OSBPL1A: variants seen among roughly 807,000 people sequenced by gnomAD.
OSBPL1A encodes oxysterol binding protein like 1A, also known as oxysterol-binding protein-related protein 1.
OSBPL1A carries 80 observed loss-of-function variants against 137.1 expected under a neutral mutation model. The observed-to-expected ratio is 0.58, with a 90% confidence interval of 0.49 to 0.70. The LOEUF (loss-of-function observed/expected upper bound fraction) is 0.70, where lower values mean the gene tolerates loss of function less well. Among genes scored for constraint, OSBPL1A ranks in the 30% least tolerant of loss-of-function variants. The pLI is 0.00. For missense variants in OSBPL1A, 970 were observed against 1,129.4 expected (o/e 0.86, Z 2.02); for synonymous variants, 365 against 389.7 (o/e 0.94, Z 0.75).
At chr18:24,290,206 G>A (rs572498617) in intron 14 of OSBPL1A, among the ~76,000 whole-genome samples, 2 of 152,186 alleles carry the variant, frequency 1.3e-5, no homozygotes, top group East Asian at 3.9e-4. Context: ...AATCCATAAA[G>A]ACACCGAATA....
intron 21 of OSBPL1A, among the ~76,000 whole-genome samples, chr18:24,175,130 A>ACG (rs1461698880): frequency 3.8e-5 from 5 of 130,988 alleles, no homozygotes; most frequent in African/African-American, 9.6e-5. Context: ...ATATATATAT[A>ACG]TATATACACA....
rs562548086 is a variant in OSBPL1A, at chr18:24,356,784, G to A, written c.282+10108C>T. On this transcript the variant is annotated intron_variant, in intron 4 of 27. Coordinates refer to ENST00000319481, the MANE Select transcript of OSBPL1A (RefSeq NM_080597.4). The stretch of plus-strand genomic sequence containing the variant: ...CCCTTAAAAACCTAAGAGAATGCAG[G>A]GGCCATGGTCCCTATCATATTTCCA... Among the ~76,000 whole-genome samples, 4 of 152,204 alleles carry A rather than the reference G, an allele frequency of 2.6e-5. No individual in the cohort carries two copies. The South Asian group carries it at 8.3e-4, about 32-fold the overall frequency.
At chr18:24,220,960 T>C (rs1021857874) in intron 17 of OSBPL1A, among the ~76,000 whole-genome samples, 5 of 152,070 alleles carry the variant, frequency 3.3e-5, no homozygotes, top group East Asian at 1.9e-4. Flanking sequence ...TTTGTGTTTG[T>C]AGTAGAAACG....
intron 14 of OSBPL1A, among the ~76,000 whole-genome samples, chr18:24,291,877 A>C (rs183221066): frequency 6.6e-6 from 1 of 152,058 alleles, no homozygotes; most frequent in African/African-American, 2.4e-5. Context: ...ATGTGGTGAA[A>C]CCCTGTCTCT....
chr18:24,264,666 A>T (rs1207088786), intron 15 of OSBPL1A, among the ~76,000 whole-genome samples: 2 of 152,226 alleles, frequency 1.3e-5, no homozygotes, highest in Non-Finnish European at 2.9e-5. Context: ...AGATATTTCA[A>T]TACCCTTGGC....
chr18:24,183,478 G>C (rs1284233431), intron 18 of OSBPL1A, among the ~76,000 whole-genome samples: 1 of 151,042 alleles, frequency 6.6e-6, no homozygotes, highest in Non-Finnish European at 1.5e-5. Context: ...TGTCGCCCAG[G>C]CTGGAGTGCA....
At chr18:24,261,330 G>C (rs2089441517) in intron 15 of OSBPL1A, among the ~76,000 whole-genome samples, 1 of 152,168 alleles carries the variant, frequency 6.6e-6, no homozygotes, top group Non-Finnish European at 1.5e-5. Flanking sequence ...TCCTTATCTT[G>C]ATTGTTGTGG....
Position 24,333,087 on chromosome 18 carries a change from C to T in OSBPL1A, c.481-1G>A. ...CATCAGGAGGATTGGGCCTGTTGAG[C>T]TAACAATTAAAAAAATGCAATGCAG... On this transcript the variant is annotated splice_acceptor_variant, in intron 6 of 27. Transcript: ENST00000319481. LOFTEE classifies it high-confidence loss of function. 6.2e-7 allele frequency: 1 copy of T among 1,611,250 alleles called. No individual in the cohort carries two copies. The highest frequency in any genetic ancestry group is 8.5e-7 in the Non-Finnish European group (1 of 1,178,830).
chr18:24,387,958 C>A (rs776360987), intron 1 of OSBPL1A, among the ~76,000 whole-genome samples: 1 of 151,972 alleles, frequency 6.6e-6, no homozygotes, highest in Non-Finnish European at 1.5e-5. Context: ...GGGGATGAAT[C>A]GATAGCCAAT....
At chr18:24,256,964 CAAAAAAAAAAAAAAAAAA>C (rs201880387) in intron 15 of OSBPL1A, among the ~76,000 whole-genome samples, 1 of 29,498 alleles carries the variant, frequency 3.4e-5, no homozygotes, top group Non-Finnish European at 6.8e-5. Flanking sequence ...GAAGAGGATG[CAAAAAAAAAAAAAAAAAA>C]AAAAAAAAAG....
At chr18:24,256,929 A>T (rs1446564425) in intron 15 of OSBPL1A, among the ~76,000 whole-genome samples, 1 of 148,268 alleles carries the variant, frequency 6.7e-6, no homozygotes, top group Non-Finnish European at 1.5e-5. Flanking sequence ...TATGGTGAAA[A>T]CTATAAAACG....
In OSBPL1A at chr18:24,322,376, C is replaced by T. The variant is rs533240909; in HGVS notation, c.626-3567G>A. On this transcript the variant is annotated intron_variant, in intron 7 of 27. Transcript: ENST00000319481. The stretch of plus-strand genomic sequence containing the variant: ...GACCTCGTGATCTGCCCGCCTGGGC[C>T]TCCCAAAGTGTTGGGATTACAGGTG... Among the ~76,000 whole-genome samples, 6 of 151,908 alleles carry T rather than the reference C, an allele frequency of 3.9e-5. No homozygotes were observed. The South Asian group carries it at 8.3e-4, about 21-fold the overall frequency.
At chr18:24,183,834 G>A (rs1217799465) in intron 18 of OSBPL1A, among the ~76,000 whole-genome samples, 2 of 152,186 alleles carry the variant, frequency 1.3e-5, no homozygotes, top group African/African-American at 4.8e-5. Flanking sequence ...TTATACACAT[G>A]TAAAGTACAT....
intron 17 of OSBPL1A, among the ~76,000 whole-genome samples, chr18:24,204,755 C>G (rs1416992758): frequency 1.3e-5 from 2 of 152,066 alleles, no homozygotes; most frequent in African/African-American, 4.8e-5. Context: ...TGTGCAGTGG[C>G]CCTATTCCCT....
intron 9 of OSBPL1A, among the ~76,000 whole-genome samples, chr18:24,318,240 T>C (rs1407136578): frequency 4.6e-5 from 7 of 151,822 alleles, no homozygotes. Flanking sequence ...GGTCAGGAGT[T>C]CAAGACCAGC....
At chr18:24,257,575 ATT>A (rs1267547961) in intron 15 of OSBPL1A, among the ~76,000 whole-genome samples, 1 of 152,158 alleles carries the variant, frequency 6.6e-6, no homozygotes, top group Non-Finnish European at 1.5e-5. Context: ...CTGGGCAAAT[ATT>A]TCTTAGTAAT....
intron 16 of OSBPL1A, among the ~76,000 whole-genome samples, chr18:24,237,736 A>G (rs2088537731): frequency 6.6e-6 from 1 of 152,128 alleles, no homozygotes; most frequent in South Asian, 2.1e-4. Flanking sequence ...TGCTCCCCAT[A>G]GAAGAAGCGC....
intron 18 of OSBPL1A, among the ~76,000 whole-genome samples, chr18:24,183,466 CTT>C (rs112671199): frequency 4.1e-5 from 6 of 145,760 alleles, no homozygotes; most frequent in African/African-American, 1.0e-4. Flanking sequence ...GAGTTTTGCT[CTT>C]GTCGCCCAGG....
chr18:24,181,305 T>TTA, intron 18 of OSBPL1A, 26 bp from the exon 19 acceptor site: 1 of 1,611,442 alleles, frequency 6.2e-7, no homozygotes, highest in Non-Finnish European at 8.5e-7. Context: ...ATTGAAAGTG[T>TTA]TATGTCCCAT....
Sources: gnomAD v4.1 joint callset for allele counts (sites outside exome capture counted in the v4.1 genomes callset) on GRCh38, gnomAD v4.1.1 for gene constraint, MANE v1.5 for transcripts, NCBI Gene and HGNC (gene_info 2026-07-23, HGNC 2026-07-21) for gene names.